Variants in TBC1D19 observed in about 807,000 individuals in gnomAD.
TBC1D19 encodes TBC1 domain family member 19.
TBC1D19 carries 60 observed loss-of-function variants against 89.0 expected under a neutral mutation model. That is an observed-to-expected ratio of 0.67 (90% CI 0.55 to 0.84). TBC1D19 has a LOEUF of 0.84. Among genes scored for constraint, TBC1D19 ranks in the 40% least tolerant of loss-of-function variants. The pLI, the probability that TBC1D19 is intolerant of heterozygous loss-of-function variation, is 0.00. For missense variants in TBC1D19, 500 were observed against 610.8 expected, an observed-to-expected ratio of 0.82 and a Z score of 1.91; for synonymous variants, 189 against 199.7, an observed-to-expected ratio of 0.95 and a Z score of 0.45.
intron 11 of TBC1D19, among the ~76,000 whole-genome samples, chr4:26,674,990 C>T (rs570027336): frequency 1.6e-4 from 25 of 152,144 alleles, no homozygotes; most frequent in African/African-American, 5.8e-4. Context: ...AAATCACTTG[C>T]TTCCTTTGTG....
chr4:26,722,646 A>G (rs1234807630), intron 15 of TBC1D19, among the ~76,000 whole-genome samples: 1 of 152,200 alleles, frequency 6.6e-6, no homozygotes, highest in African/African-American at 2.4e-5. Context: ...GCATATTATA[A>G]TTTAGCATCT....
At chr4:26,679,526 G>A (rs958912867) in intron 11 of TBC1D19, among the ~76,000 whole-genome samples, 17 of 152,184 alleles carry the variant, frequency 1.1e-4, no homozygotes, top group Admixed American at 1.1e-3. Flanking sequence ...GAGAACCTCT[G>A]GTAGGGCAGT....
At chr4:26,794,045 C>A in the TBC1D19 span, among the ~76,000 whole-genome samples, 3 of 152,036 alleles carry the variant, frequency 2.0e-5, no homozygotes, top group African/African-American at 7.2e-5. Context: ...GGTGGGATCA[C>A]GTAGACTGAG....
At chr4:26,630,919 G>A (rs976493502) in intron 4 of TBC1D19, among the ~76,000 whole-genome samples, 1 of 152,006 alleles carries the variant, frequency 6.6e-6, no homozygotes, top group East Asian at 1.9e-4. Flanking sequence ...GAAACCTAAA[G>A]GATGGCCAAG....
intron 3 of TBC1D19, among the ~76,000 whole-genome samples, chr4:26,617,074 G>A (rs1741743242): frequency 6.6e-6 from 1 of 152,200 alleles, no homozygotes; most frequent in Non-Finnish European, 1.5e-5. Flanking sequence ...CTGAGATTGG[G>A]TAATTTATAA....
the TBC1D19 span, among the ~76,000 whole-genome samples, chr4:26,835,554 G>A: frequency 3.3e-5 from 5 of 152,252 alleles, no homozygotes; most frequent in East Asian, 1.9e-4. Flanking sequence ...AGGCAGAATC[G>A]TAGGAGCCAT....
In TBC1D19 at chr4:26,643,611, C is replaced by A. The variant is rs569698745; in HGVS notation, c.480+3424C>A. Among the ~76,000 whole-genome samples, 387 of 152,190 alleles carry A rather than the reference C, an allele frequency of 2.5e-3. 4 individuals are homozygous for A. The highest frequency in any genetic ancestry group is 9.1e-3 in the African/African-American group (377 of 41,518). On this transcript the variant is annotated intron_variant, in intron 7 of 20. Transcript: ENST00000264866. ...CTGAAGGAGATAGAAACACAAAAAA[C>A]CCTTCAAAAAATCAGTGAATCCAGG...
At chr4:26,584,424 GACAAAA>G (rs10535440) in intron 1 of TBC1D19, 132 bp downstream of exon 1, 214,167 of 703,272 alleles carry the variant, frequency 0.3, 40,143 homozygotes, top group South Asian at 0.33. Context: ...AAAACAAACA[GACAAAA>G]ACAAAAACAA....
chr4:26,786,778 T>G, the TBC1D19 span, among the ~76,000 whole-genome samples: 2 of 148,102 alleles, frequency 1.4e-5, no homozygotes, highest in Admixed American at 1.4e-4. Flanking sequence ...GATGGATGGA[T>G]GGATGGATGG....
Position 26,661,493 on chromosome 4 carries a change from T to G in TBC1D19, c.591+1786T>G, listed in dbSNP as rs74679597. Among the ~76,000 whole-genome samples, 127 of 152,158 alleles carry G rather than the reference T, an allele frequency of 8.3e-4. 1 individual carries two copies. Among genetic ancestry groups the G allele is most frequent in the African/African-American group, 2.9e-3 (120 of 41,518 alleles). ...CCTTGCCGACAGAGCTTCCAGTCAG[T>G]TCTTTATTACCTCATTTCTAAATCG... On this transcript the variant is annotated intron_variant, in intron 8 of 20. Coordinates refer to ENST00000264866, the MANE Select transcript of TBC1D19 (RefSeq NM_018317.4).
chr4:26,693,257 A>AC (rs1714459825), intron 13 of TBC1D19, among the ~76,000 whole-genome samples: 1 of 152,208 alleles, frequency 6.6e-6, no homozygotes, highest in Non-Finnish European at 1.5e-5. Context: ...AAATATTTCA[A>AC]CCAAGTCACT....
chr4:26,675,950 T>C (rs1397949465), intron 11 of TBC1D19, among the ~76,000 whole-genome samples: 2 of 152,240 alleles, frequency 1.3e-5, no homozygotes, highest in African/African-American at 4.8e-5. Context: ...AGATTGCTTT[T>C]GTATATTTCC....
intron 1 of TBC1D19, among the ~76,000 whole-genome samples, chr4:26,577,468 T>A (rs1482864973): frequency 6.6e-6 from 1 of 152,202 alleles, no homozygotes; most frequent in Non-Finnish European, 1.5e-5. Flanking sequence ...AGCCAAACAG[T>A]CCCCTCCTGG....
the TBC1D19 span, among the ~76,000 whole-genome samples, chr4:26,803,961 G>A: frequency 2.0e-5 from 3 of 151,926 alleles, no homozygotes; most frequent in Non-Finnish European, 4.4e-5. Context: ...GAATTTTCTG[G>A]AAATGAAATG....
intron 15 of TBC1D19, among the ~76,000 whole-genome samples, chr4:26,725,867 A>G (rs1717279505): frequency 6.6e-6 from 1 of 152,216 alleles, no homozygotes; most frequent in African/African-American, 2.4e-5. Context: ...TGCTCAGTAA[A>G]CATTATTGAA....
the TBC1D19 span, among the ~76,000 whole-genome samples, chr4:26,765,065 A>G: frequency 0.48 from 72,400 of 151,918 alleles, 19,271 homozygotes; most frequent in Admixed American, 0.63. Context: ...CAATAGGAGT[A>G]GGGTAGGAAT....
chr4:26,772,338 G>T, the TBC1D19 span, among the ~76,000 whole-genome samples: 1 of 152,062 alleles, frequency 6.6e-6, no homozygotes, highest in Admixed American at 6.5e-5. Context: ...TCCCTGAAGG[G>T]TCTTGCAGTC....
At chr4:26,654,602 T>A (rs1214433441) in intron 7 of TBC1D19, among the ~76,000 whole-genome samples, 2 of 152,186 alleles carry the variant, frequency 1.3e-5, no homozygotes, top group African/African-American at 4.8e-5. Context: ...TCTAAATTTC[T>A]CTTCTCACTT....
intron 13 of TBC1D19, among the ~76,000 whole-genome samples, chr4:26,696,826 A>G (rs1000375608): frequency 3.3e-5 from 5 of 152,224 alleles, no homozygotes; most frequent in Admixed American, 3.3e-4. Flanking sequence ...CAAAGACACA[A>G]CATACCAGAA....
Sources: allele counts gnomAD v4.1 joint callset (sites outside exome capture counted in the v4.1 genomes callset), GRCh38; gene constraint gnomAD v4.1.1; transcripts MANE v1.5; gene names NCBI Gene and HGNC (gene_info 2026-07-23, HGNC 2026-07-21).